DKKL1: variants seen among roughly 807,000 people sequenced by gnomAD.
The protein encoded by DKKL1 is dickkopf-like protein 1.
In DKKL1, 11 loss-of-function variants were observed where a neutral mutation model predicts 16.5. That is an observed-to-expected ratio of 0.67 (90% CI 0.42 to 1.10). DKKL1 has a LOEUF of 1.10. Ranked by LOEUF, DKKL1 falls within the 50% of genes least tolerant of loss-of-function variation. The probability of loss-of-function intolerance (pLI) is 0.00; values close to 1 mark genes in which losing one functional copy is unlikely to be tolerated. For synonymous variants in DKKL1, 119 were observed against 133.2 expected (o/e 0.89, Z 0.73); for missense variants, 320 against 308.1 (o/e 1.04, Z -0.29).
intron 2 of DKKL1, among the ~76,000 whole-genome samples, 170 bp downstream of exon 2, chr19:49,364,924 T>C (rs2146763902): frequency 6.6e-6 from 1 of 151,848 alleles, no homozygotes; most frequent in East Asian, 1.9e-4. Context: ...TCACAGCACT[T>C]TGGGAGGCTG....
Position 49,365,856 on chromosome 19 carries a change from G to T in DKKL1, c.388G>T (p.Ala130Ser). 1 of 1,614,158 alleles carries T rather than the reference G, an allele frequency of 6.2e-7. No homozygotes were observed. Among genetic ancestry groups the T allele is most frequent in the South Asian group, 1.1e-5 (1 of 91,068 alleles). Reference sequence around the variant, plus strand: ...GAATGTGGTGGCATCCATTCAACCAGCGGAGGGGAGCTTCGAGGGTGATTT... The same window carrying T: ...GAATGTGGTGGCATCCATTCAACCATCGGAGGGGAGCTTCGAGGGTGATTT... ...SENVVASIQP[A>S]EGSFEGDLKV... The change falls in exon 4 of 5, where the codon GCG (alanine) becomes TCG (serine). Residue 130 changes from alanine (A) to serine (S), a missense_variant. Transcript: ENST00000221498.
At chr19:49,364,508 A>G in intron 1 of DKKL1, 74 bp from the exon 2 acceptor site, 1 of 1,377,562 alleles carries the variant, frequency 7.3e-7, no homozygotes, top group South Asian at 1.4e-5. Context: ...CGACCTGGGC[A>G]AGGTGCTGGA....
intron 4 of DKKL1, chr19:49,370,618 C>A (rs1973442046): frequency 6.6e-6 from 1 of 152,182 alleles, no homozygotes; most frequent in Non-Finnish European, 1.5e-5. Context: ...GGTGGAAGAC[C>A]TCACCAACGA....
At chr19:49,374,588 C>T in intron 4 of DKKL1, 129 bp from the exon 5 acceptor site, 2 of 815,246 alleles carry the variant, frequency 2.5e-6, no homozygotes, top group Non-Finnish European at 3.7e-6. Context: ...CTTTGTAAAC[C>T]TCAAACAGGG....
At chr19:49,366,833 G>C (rs1463755521) in intron 4 of DKKL1, among the ~76,000 whole-genome samples, 1 of 150,208 alleles carries the variant, frequency 6.7e-6, no homozygotes, top group East Asian at 2.0e-4. Flanking sequence ...TCAGCCTCCG[G>C]AATAGCTGGA....
At chr19:49,365,985 T>C in intron 4 of DKKL1, 100 bp downstream of exon 4, 1 of 1,127,950 alleles carries the variant, frequency 8.9e-7, no homozygotes. Context: ...TGGAGTGCAG[T>C]GGCACGATCT....
At position 49,375,043 on chromosome 19, in the gene DKKL1, G is replaced by A. The variant is rs756460698; in HGVS notation, c.*15G>A. On this transcript the variant is annotated 3_prime_UTR_variant, in exon 5 of 5. Transcript: ENST00000221498. ...GGCAGCTGTAGGGGTGGGGACCGGG[G>A]AGCACCTGCCTGTAGCCCCCATCAG... 2 of 1,585,350 alleles carry A rather than the reference G, an allele frequency of 1.3e-6. No individual in the cohort carries two copies. Among genetic ancestry groups the A allele is most frequent in the Non-Finnish European group, 8.6e-7 (1 of 1,165,958 alleles).
rs929230581 is a variant in DKKL1, at chr19:49,374,839, C to A, written c.540C>A (p.His180Gln). 8.7e-6 allele frequency: 14 copies of A among 1,613,722 alleles called. No individual in the cohort carries two copies. In the African/African-American group the frequency reaches 1.9e-4, roughly 22 times the overall value. ...WIIKLPRRRS[H>Q]QDALEGGHWL... ...TTAAGCTGCCACGGCGGAGGTCCCA[C>A]CAGGATGCCCTGGAGGGCGGCCACT... Residue 180 changes from histidine (H) to glutamine (Q), a missense_variant, in exon 5 of 5, where the codon CAC becomes CAA. Transcript: ENST00000221498.
In DKKL1 at chr19:49,374,770, C is replaced by G. The variant is rs747160629; in HGVS notation, c.471C>G (p.Asp157Glu). 1.3e-6 allele frequency: 2 copies of G among 1,593,740 alleles called. No homozygotes were observed. The highest frequency in any genetic ancestry group is 1.7e-6 in the Non-Finnish European group (2 of 1,167,904). ...TGGTACCCATCCAGAAGGCCACGGACAGCTTCCACACAGAACTCCATCCCC... is the reference window on the plus strand; with the variant it reads ...TGGTACCCATCCAGAAGGCCACGGAGAGCTTCCACACAGAACTCCATCCCC... The part of the protein sequence containing the change: ...EALVPIQKAT[D>E]SFHTELHPRV... The change falls in exon 5 of 5, where the codon GAC (aspartate) becomes GAG (glutamate). Residue 157 changes from aspartate to glutamate, a missense_variant. Asp to Glu is a conservative substitution (Grantham distance 45). Coordinates refer to ENST00000221498, the MANE Select transcript of DKKL1 (RefSeq NM_014419.4).
In DKKL1 at chr19:49,365,557, T is replaced by C. The variant is rs748104338; in HGVS notation, c.232T>C (p.Phe78Leu). ...IDSLFSAPMD[F>L]RGLPGNYHKE... ...CAGCTTATTCTCTGCCCCCATGGAC[T>C]TCCGGGGCCTCCCTGGGAACTACCA... The change falls in exon 3 of 5, where the codon TTC becomes CTC. Residue 78 changes from phenylalanine (F) to leucine (L), a missense_variant. Coordinates refer to ENST00000221498, the MANE Select transcript of DKKL1 (RefSeq NM_014419.4). 1 of 1,613,660 alleles carries C rather than the reference T, an allele frequency of 6.2e-7. No homozygotes were observed. Among genetic ancestry groups the C allele is most frequent in the Non-Finnish European group, 8.5e-7 (1 of 1,179,852 alleles).
At chr19:49,366,951 G>A (rs957739529) in intron 4 of DKKL1, among the ~76,000 whole-genome samples, 8 of 149,058 alleles carry the variant, frequency 5.4e-5, no homozygotes, top group Non-Finnish European at 8.9e-5. Flanking sequence ...CAGGCAATCC[G>A]CCCGCCTCTG....
upstream of DKKL1, among the ~76,000 whole-genome samples, chr19:49,362,863 T>G (rs1176044403): frequency 6.6e-6 from 1 of 151,974 alleles, no homozygotes; most frequent in Non-Finnish European, 1.5e-5. Context: ...AAAGAGTCTT[T>G]ACTGTTAAGC....
Position 49,363,902 on chromosome 19 carries a change from T to C in DKKL1, c.-97T>C. 1 of 1,537,642 alleles carries C rather than the reference T, an allele frequency of 6.5e-7. No homozygotes were observed. The highest frequency in any genetic ancestry group is 1.9e-5 in the Admixed American group (1 of 52,378). On this transcript the variant is annotated 5_prime_UTR_variant, in exon 1 of 5. Coordinates refer to ENST00000221498, the MANE Select transcript of DKKL1 (RefSeq NM_014419.4). ...AGACCTGGGCTCGAGACCATAACTG[T>C]TTGGCTTTAACAGTACGTGGGCGGC...
At chr19:49,367,565 C>T (rs569710605) in intron 4 of DKKL1, among the ~76,000 whole-genome samples, 1 of 152,080 alleles carries the variant, frequency 6.6e-6, no homozygotes, top group African/African-American at 2.4e-5. Flanking sequence ...TGCCACCACA[C>T]CTGACTAATT....
intron 4 of DKKL1, among the ~76,000 whole-genome samples, chr19:49,368,508 T>C (rs145965558): frequency 1.3e-5 from 2 of 151,598 alleles, no homozygotes; most frequent in Non-Finnish European, 2.9e-5. Flanking sequence ...AATAAATAAA[T>C]AAATAAAATT....
At chr19:49,363,627 C>G (rs1486925372), upstream of DKKL1, 2 of 343,196 alleles carry the variant, frequency 5.8e-6, no homozygotes, top group Admixed American at 8.5e-5. Context: ...CCAGGACTTC[C>G]AGGACTTGGT....
chr19:49,365,783 A>C lies in DKKL1; in HGVS notation c.325-10A>C, dbSNP rs1973226566. 1.2e-6 allele frequency: 2 copies of C among 1,613,222 alleles called. No individual in the cohort carries two copies. The highest frequency in any genetic ancestry group is 2.7e-5 in the African/African-American group (2 of 74,870). On this transcript the variant is annotated splice_polypyrimidine_tract_variant and intron_variant, in intron 3 of 4. Coordinates refer to ENST00000221498, the MANE Select transcript of DKKL1 (RefSeq NM_014419.4). Reference sequence around the variant, plus strand: ...AGGTTTGCTCTCACTCTCTCATCGGATCCTCACAGATGACCGACAACAAGA... The same window carrying C: ...AGGTTTGCTCTCACTCTCTCATCGGCTCCTCACAGATGACCGACAACAAGA...
chr19:49,371,577 TAACAAA>T (rs1973488065), intron 4 of DKKL1, among the ~76,000 whole-genome samples: 2 of 151,834 alleles, frequency 1.3e-5, no homozygotes, highest in African/African-American at 4.9e-5. Context: ...CCTTAGTTTT[TAACAAA>T]TCCATGGTAC....
At chr19:49,368,876 C>G (rs1600843673) in intron 4 of DKKL1, 1 of 152,366 alleles carries the variant, frequency 6.6e-6, no homozygotes, top group East Asian at 1.9e-4. Context: ...TCCCAGCTCA[C>G]AGCTTATGCC....
Sources: allele counts gnomAD v4.1 joint callset (sites outside exome capture counted in the v4.1 genomes callset), GRCh38; gene constraint gnomAD v4.1.1; transcripts MANE v1.5; gene names NCBI Gene and HGNC (gene_info 2026-07-23, HGNC 2026-07-21).